VAC14: variants seen among roughly 807,000 people sequenced by gnomAD.
The protein encoded by VAC14 is VAC14 component of PIKFYVE complex.
VAC14 carries 47 observed loss-of-function variants against 85.3 expected under a neutral mutation model. That is an observed-to-expected ratio of 0.55 (90% CI 0.44 to 0.70). The LOEUF (loss-of-function observed/expected upper bound fraction) is 0.70, where lower values mean the gene tolerates loss of function less well. Ranked by LOEUF, VAC14 falls within the 30% of genes least tolerant of loss-of-function variation. The pLI is 0.00. For synonymous variants in VAC14, 447 were observed against 430.5 expected (o/e 1.04, Z -0.47); for missense variants, 861 against 1,004.3 (o/e 0.86, Z 1.93).
chr16:70,710,501 C>T (rs1357847210), intron 14 of VAC14, among the ~76,000 whole-genome samples: 1 of 152,212 alleles, frequency 6.6e-6, no homozygotes, highest in Non-Finnish European at 1.5e-5. Context: ...GTAAGGTGGC[C>T]AGAGCTACTC....
chr16:70,688,918 A>G, intron 18 of VAC14: 1 of 985,468 alleles, frequency 1.0e-6, no homozygotes. Flanking sequence ...GGTTTGGAGG[A>G]GCAGATCCAT....
chr16:70,701,105 C>G (rs1031798607), intron 14 of VAC14, among the ~76,000 whole-genome samples: 1 of 152,178 alleles, frequency 6.6e-6, no homozygotes, highest in African/African-American at 2.4e-5. Flanking sequence ...AAACTCTTCT[C>G]TTGCCACCAG....
intron 14 of VAC14, among the ~76,000 whole-genome samples, chr16:70,722,721 A>G (rs998596173): frequency 1.3e-5 from 2 of 152,210 alleles, no homozygotes; most frequent in African/African-American, 4.8e-5. Context: ...GCAGGGCCCA[A>G]GGAGGCAGAG....
At chr16:70,734,987 T>A (rs974183364) in intron 13 of VAC14, among the ~76,000 whole-genome samples, 6 of 152,166 alleles carry the variant, frequency 3.9e-5, no homozygotes, top group African/African-American at 1.2e-4. Flanking sequence ...TCGGCACTAA[T>A]GTTCGGACAT....
intron 13 of VAC14, among the ~76,000 whole-genome samples, chr16:70,735,684 G>T (rs747384241): frequency 1.3e-5 from 2 of 152,250 alleles, no homozygotes; most frequent in Non-Finnish European, 2.9e-5. Flanking sequence ...TCAATCCCAA[G>T]AACCTCCTAG....
At chr16:70,694,386 C>G (rs1229244860) in intron 17 of VAC14, among the ~76,000 whole-genome samples, 1 of 152,202 alleles carries the variant, frequency 6.6e-6, no homozygotes, top group Non-Finnish European at 1.5e-5. Context: ...GCTGGGCACA[C>G]CTGGGACAGG....
At chr16:70,733,437 G>A (rs1316056022) in intron 13 of VAC14, among the ~76,000 whole-genome samples, 1 of 151,484 alleles carries the variant, frequency 6.6e-6, no homozygotes, top group Non-Finnish European at 1.5e-5. Context: ...GAGACAGGGT[G>A]ATACTATAGT....
intron 12 of VAC14, among the ~76,000 whole-genome samples, chr16:70,750,471 C>T (rs978582789): frequency 6.6e-6 from 1 of 152,140 alleles, no homozygotes; most frequent in Non-Finnish European, 1.5e-5. Flanking sequence ...GGCCCATCAG[C>T]TGGCCCCTGG....
chr16:70,784,862 G>C (rs754359433), intron 3 of VAC14, 24 bp from the exon 4 acceptor site: 3 of 1,609,612 alleles, frequency 1.9e-6, no homozygotes, highest in Non-Finnish European at 2.6e-6. Flanking sequence ...AGACAGGGGA[G>C]GGACACAGAG....
intron 6 of VAC14, 80 bp from the exon 7 acceptor site, chr16:70,783,219 C>T: frequency 2.1e-6 from 3 of 1,458,518 alleles, no homozygotes; most frequent in East Asian, 2.3e-5. Context: ...CATTTCCGTG[C>T]TGGGTCAGCC....
intron 10 of VAC14, chr16:70,766,579 G>A (rs539471468): frequency 2.2e-5 from 10 of 455,786 alleles, no homozygotes; most frequent in East Asian, 1.4e-4. Context: ...TTCAAGGTAC[G>A]GATGAGCAAG....
intron 14 of VAC14, among the ~76,000 whole-genome samples, chr16:70,724,857 CCT>C (rs1483205700): frequency 1.3e-5 from 2 of 152,236 alleles, no homozygotes; most frequent in African/African-American, 2.4e-5. Context: ...GTCTCCCTCC[CCT>C]CAGCTGGGGG....
At chr16:70,726,358 C>T (rs868216767) in intron 14 of VAC14, among the ~76,000 whole-genome samples, 7 of 152,202 alleles carry the variant, frequency 4.6e-5, no homozygotes, top group Admixed American at 2.0e-4. Context: ...CTGGAGCCAG[C>T]TCTCGGCACG....
chr16:70,780,554 G>A (rs1174962317), intron 9 of VAC14, among the ~76,000 whole-genome samples: 2 of 152,214 alleles, frequency 1.3e-5, no homozygotes, highest in Admixed American at 6.5e-5. Context: ...GTTCCAATCC[G>A]GTTCCAGTCT....
intron 14 of VAC14, chr16:70,700,098 C>G (rs2053794364): frequency 6.6e-6 from 1 of 152,176 alleles, no homozygotes; most frequent in South Asian, 2.1e-4. Flanking sequence ...TGACCTGGGC[C>G]CAGCTTCCCA....
chr16:70,693,668 A>G (rs2053645764), intron 17 of VAC14, among the ~76,000 whole-genome samples: 1 of 152,168 alleles, frequency 6.6e-6, no homozygotes, highest in African/African-American at 2.4e-5. Context: ...CTGTACCACA[A>G]GGCAGTCCCA....
intron 14 of VAC14, among the ~76,000 whole-genome samples, chr16:70,717,838 C>T (rs1409217903): frequency 6.6e-6 from 1 of 152,034 alleles, no homozygotes; most frequent in Non-Finnish European, 1.5e-5. Flanking sequence ...TTTTGTAGGG[C>T]GGCAAGGGTT....
At chr16:70,691,585 C>T (rs886450865) in intron 18 of VAC14, 2 of 985,380 alleles carry the variant, frequency 2.0e-6, no homozygotes, top group African/African-American at 1.7e-5. Flanking sequence ...CTTCTGGGGA[C>T]CACCTGGCAG....
chr16:70,691,559 C>A, intron 18 of VAC14: 1 of 985,502 alleles, frequency 1.0e-6, no homozygotes, highest in Non-Finnish European at 1.2e-6. Flanking sequence ...CCTGGGGACA[C>A]TGCATCAGGT....
Sources: gnomAD v4.1 joint callset for allele counts (sites outside exome capture counted in the v4.1 genomes callset) on GRCh38, gnomAD v4.1.1 for gene constraint, MANE v1.5 for transcripts, NCBI Gene and HGNC (gene_info 2026-07-23, HGNC 2026-07-21) for gene names.